SLC7A2: variants seen among roughly 807,000 people sequenced by gnomAD.
SLC7A2 encodes cationic amino acid transporter 2.
A neutral mutation model predicts 58.9 loss-of-function variants in SLC7A2; 48 were observed. The ratio of observed to expected loss-of-function variants is 0.82; its 90% CI spans 0.65 to 1.04. The LOEUF (loss-of-function observed/expected upper bound fraction) is 1.04. Among genes scored for constraint, SLC7A2 ranks in the 50% least tolerant of loss-of-function variants. SLC7A2 has a pLI of 0.00. For missense variants in SLC7A2, 1,029 were observed against 818.8 expected, an observed-to-expected ratio of 1.26 and a Z score of -3.13; for synonymous variants, 363 against 314.5, an observed-to-expected ratio of 1.15 and a Z score of -1.63.
At chr8:17,530,674 G>A (rs920483929) in intron 2 of SLC7A2, among the ~76,000 whole-genome samples, 4 of 151,720 alleles carry the variant, frequency 2.6e-5, no homozygotes, top group Admixed American at 1.3e-4. Context: ...CTAGGTTCAA[G>A]CGTTTCTCCT....
At chr8:17,515,007 G>A (rs1437095922) in intron 2 of SLC7A2, among the ~76,000 whole-genome samples, 1 of 152,148 alleles carries the variant, frequency 6.6e-6, no homozygotes, top group Admixed American at 6.5e-5. Context: ...AGCTATATTG[G>A]TAAAGGCAGT....
intron 2 of SLC7A2, among the ~76,000 whole-genome samples, chr8:17,537,603 GCGGGATCC>G (rs1430896395): frequency 2.6e-5 from 4 of 152,164 alleles, no homozygotes; most frequent in African/African-American, 9.7e-5. Context: ...GGAGGCAGTG[GCGGGATCC>G]CAGGTAAGGT....
intron 4 of SLC7A2, among the ~76,000 whole-genome samples, chr8:17,545,367 G>A (rs933230092): frequency 1.4e-4 from 19 of 137,760 alleles, no homozygotes; most frequent in African/African-American, 4.9e-4. Flanking sequence ...TCCCTGCTCT[G>A]TCTCCTTATA....
chr8:17,541,190 C>T (rs1801897595), intron 2 of SLC7A2, among the ~76,000 whole-genome samples: 1 of 152,194 alleles, frequency 6.6e-6, no homozygotes. Context: ...CATTTAGTAA[C>T]TACCTTTCCC....
intron 7 of SLC7A2, among the ~76,000 whole-genome samples, chr8:17,552,975 A>G (rs927998692): frequency 3.9e-5 from 6 of 152,256 alleles, no homozygotes; most frequent in African/African-American, 1.4e-4. Flanking sequence ...TTTCCCTTCA[A>G]ACTCCCTTTT....
rs1359699312 is a variant in SLC7A2 at position 17,548,951 on chromosome 8, G to C, written c.698+108G>C. 24 of 910,916 alleles carry C rather than the reference G, an allele frequency of 2.6e-5. No homozygotes were observed. In the Admixed American group the frequency reaches 5.5e-4, roughly 21 times the overall value. The allele number at this position is 910,916 out of a possible 1,614,324, so 56.4% of individuals were successfully genotyped here. ...CTAATAAAGACATACCCATGACTGG[G>C]TAATTTATAAGGAAAAAGAGATTTA... On this transcript the variant is annotated intron_variant, in intron 5 of 12. Coordinates refer to ENST00000494857, the MANE Select transcript of SLC7A2 (RefSeq NM_001370338.1).
At chr8:17,558,430 A>G (rs2150772675) in intron 9 of SLC7A2, 33 bp downstream of exon 9, 3 of 1,380,328 alleles carry the variant, frequency 2.2e-6, no homozygotes, top group Non-Finnish European at 3.1e-6. Context: ...AGGGTGTACC[A>G]TGCACGAGGG....
chr8:17,522,652 G>A (rs1326058621), intron 2 of SLC7A2, among the ~76,000 whole-genome samples: 1 of 152,168 alleles, frequency 6.6e-6, no homozygotes, highest in Non-Finnish European at 1.5e-5. Flanking sequence ...ACTAGGTCCT[G>A]TGTCTCCCCT....
At chr8:17,518,616 C>T (rs994440824) in intron 2 of SLC7A2, among the ~76,000 whole-genome samples, 2 of 73,380 alleles carry the variant, frequency 2.7e-5, no homozygotes, top group Non-Finnish European at 8.3e-5. Flanking sequence ...CTTCAGTGGC[C>T]ACAACAAAAC....
intron 2 of SLC7A2, among the ~76,000 whole-genome samples, chr8:17,526,441 G>A (rs911666238): frequency 1.3e-5 from 2 of 152,126 alleles, no homozygotes; most frequent in African/African-American, 2.4e-5. Flanking sequence ...AGGAGGACAG[G>A]ACGCATGATG....
chr8:17,515,911 C>G (rs1173288541), intron 2 of SLC7A2, among the ~76,000 whole-genome samples: 3 of 152,086 alleles, frequency 2.0e-5, no homozygotes, highest in African/African-American at 4.8e-5. Flanking sequence ...GGTAGGAACA[C>G]TTTTTATTAG....
At chr8:17,548,130 C>G (rs568710488) in intron 4 of SLC7A2, among the ~76,000 whole-genome samples, 1 of 152,162 alleles carries the variant, frequency 6.6e-6, no homozygotes, top group Non-Finnish European at 1.5e-5. Flanking sequence ...CACTTGAGGT[C>G]TGGAGTTCTA....
intron 8 of SLC7A2, among the ~76,000 whole-genome samples, chr8:17,556,508 G>C (rs1249408031): frequency 6.6e-6 from 1 of 151,992 alleles, no homozygotes; most frequent in African/African-American, 2.4e-5. Flanking sequence ...CAGAGCGCTT[G>C]TGTGGACAAC....
At chr8:17,504,818 G>T (rs1372661458) in intron 2 of SLC7A2, among the ~76,000 whole-genome samples, 3 of 152,148 alleles carry the variant, frequency 2.0e-5, no homozygotes, top group African/African-American at 7.2e-5. Context: ...AAGAAATTCA[G>T]GTCCAGAAAA....
At position 17,500,799 on chromosome 8, in the gene SLC7A2, TACACACACACACACACAC is replaced by T. The variant is rs60002166; in HGVS notation, c.-68-1430_-68-1413del. Among the ~76,000 whole-genome samples the T allele has an allele frequency of 1.3e-3, 184 of 145,986 alleles. 2 individuals carry two copies. Among genetic ancestry groups the T allele is most frequent in the Middle Eastern group, 7.1e-3 (2 of 282 alleles). On this transcript the variant is annotated intron_variant, in intron 1 of 12. Coordinates refer to ENST00000494857, the MANE Select transcript of SLC7A2 (RefSeq NM_001370338.1). The stretch of plus-strand genomic sequence containing the variant: ...GCGAGACTCTGTCTCAACACACACA[TACACACACACACACACAC>T]ACACACACACACACACACACACACA...
At chr8:17,553,346 C>T (rs144828964) in intron 7 of SLC7A2, among the ~76,000 whole-genome samples, 19 of 152,120 alleles carry the variant, frequency 1.2e-4, no homozygotes, top group African/African-American at 2.4e-4. Flanking sequence ...CCACCACACC[C>T]GGCCTTGAGG....
At chr8:17,555,044 C>A (rs748110278) in intron 8 of SLC7A2, 2 of 1,613,972 alleles carry the variant, frequency 1.2e-6, no homozygotes, top group South Asian at 1.1e-5. Flanking sequence ...AAGAGGCAGT[C>A]ACCAGTTGCT....
intron 2 of SLC7A2, among the ~76,000 whole-genome samples, chr8:17,504,902 A>T (rs1271967076): frequency 1.3e-5 from 2 of 152,158 alleles, no homozygotes; most frequent in African/African-American, 4.8e-5. Flanking sequence ...TAGTTCCCTG[A>T]TACACAGAGA....
At position 17,558,359 on chromosome 8, in the gene SLC7A2, G is replaced by T; in HGVS notation, c.1260G>T (p.Met420Ile). ...ACATGATGTCCATTGGCACACTCAT[G>T]GCCTACTCTCTGGTGGCAGCCTGTG... is the stretch of plus-strand genomic sequence containing the variant. The part of the protein sequence containing the change: ...LVDMMSIGTL[M>I]AYSLVAACVL... The change falls in exon 9 of 13, where the codon ATG becomes ATT. Residue 420 changes from methionine (M) to isoleucine (I), a missense_variant. Coordinates refer to ENST00000494857, the MANE Select transcript of SLC7A2 (RefSeq NM_001370338.1). The T allele has an allele frequency of 6.2e-7, 1 of 1,613,420 alleles. No individual in the cohort carries two copies. Among genetic ancestry groups the T allele is most frequent in the Non-Finnish European group, 8.5e-7 (1 of 1,179,684 alleles).
Sources: allele counts gnomAD v4.1 joint callset (sites outside exome capture counted in the v4.1 genomes callset), GRCh38; gene constraint gnomAD v4.1.1; transcripts MANE v1.5; gene names NCBI Gene and HGNC (gene_info 2026-07-23, HGNC 2026-07-21).